Variants in EPHA3 observed in about 807,000 individuals in gnomAD.
EPHA3 encodes ephrin type-A receptor 3.
Under a neutral mutation model 107.1 loss-of-function variants are expected in EPHA3, and 42 were observed. The observed-to-expected ratio is 0.39, with a 90% CI of 0.31 to 0.51. The LOEUF (loss-of-function observed/expected upper bound fraction) is 0.51. Ranked by LOEUF, EPHA3 falls within the 20% of genes least tolerant of loss-of-function variation. The pLI, the probability that EPHA3 is intolerant of heterozygous loss-of-function variation, is 0.78. For synonymous variants in EPHA3, 461 were observed against 424.8 expected (o/e 1.09, Z -1.05); for missense variants, 1,183 against 1,211.2 (o/e 0.98, Z 0.35).
At chr3:89,223,301 G>A (rs1457685218) in intron 3 of EPHA3, among the ~76,000 whole-genome samples, 1 of 152,140 alleles carries the variant, frequency 6.6e-6, no homozygotes, top group Admixed American at 6.6e-5. Flanking sequence ...AGGCTGAAAG[G>A]AAATGCTGAC....
intron 2 of EPHA3, among the ~76,000 whole-genome samples, chr3:89,167,321 A>G (rs1705095560): frequency 6.6e-6 from 1 of 152,158 alleles, no homozygotes; most frequent in Non-Finnish European, 1.5e-5. Context: ...AATTCAAAGG[A>G]CATATAATTT....
chr3:89,401,746 T>C (rs1328770031), intron 7 of EPHA3, among the ~76,000 whole-genome samples: 1 of 152,182 alleles, frequency 6.6e-6, no homozygotes, highest in Non-Finnish European at 1.5e-5. Context: ...TGGCTGGGAC[T>C]ACAGGCTCAT....
At chr3:89,260,888 G>C (rs1309825107) in intron 3 of EPHA3, among the ~76,000 whole-genome samples, 1 of 152,102 alleles carries the variant, frequency 6.6e-6, no homozygotes, top group African/African-American at 2.4e-5. Flanking sequence ...GGACTCTATG[G>C]TCCTCCACAG....
intron 2 of EPHA3, among the ~76,000 whole-genome samples, chr3:89,135,973 G>A (rs1245119403): frequency 1.3e-5 from 2 of 152,090 alleles, no homozygotes; most frequent in Non-Finnish European, 2.9e-5. Context: ...TTATTTGCCT[G>A]TAGTATTAGA....
At chr3:89,193,774 A>T (rs1705774453) in intron 2 of EPHA3, among the ~76,000 whole-genome samples, 1 of 152,038 alleles carries the variant, frequency 6.6e-6, no homozygotes, top group South Asian at 2.1e-4. Flanking sequence ...ATTTAATTAC[A>T]CAAAATGATA....
At chr3:89,398,815 T>C (rs1180237936) in intron 6 of EPHA3, among the ~76,000 whole-genome samples, 1 of 152,184 alleles carries the variant, frequency 6.6e-6, no homozygotes, top group Non-Finnish European at 1.5e-5. Flanking sequence ...GGAAATTCTG[T>C]AAATATTTTT....
At chr3:89,240,094 G>A (rs1704858439) in intron 3 of EPHA3, among the ~76,000 whole-genome samples, 2 of 152,142 alleles carry the variant, frequency 1.3e-5, no homozygotes, top group African/African-American at 2.4e-5. Flanking sequence ...CCAAAGCAGG[G>A]GCTGTTCTTC....
chr3:89,394,176 C>A (rs1246629300), intron 5 of EPHA3, among the ~76,000 whole-genome samples: 1 of 152,082 alleles, frequency 6.6e-6, no homozygotes, highest in Non-Finnish European at 1.5e-5. Context: ...TTTGGGAGGC[C>A]TACCGGGGAG....
chr3:89,390,881 G>A (rs893804501), intron 5 of EPHA3, among the ~76,000 whole-genome samples: 5 of 149,124 alleles, frequency 3.4e-5, no homozygotes, highest in Middle Eastern at 3.2e-3. Flanking sequence ...TCCGCCTCCC[G>A]GGTTCATCTG....
chr3:89,357,466 C>T (rs1363065206), intron 5 of EPHA3, among the ~76,000 whole-genome samples: 1 of 150,948 alleles, frequency 6.6e-6, no homozygotes, highest in Non-Finnish European at 1.5e-5. Context: ...AAAATTTTTG[C>T]ATCTTTACTT....
intron 2 of EPHA3, among the ~76,000 whole-genome samples, chr3:89,202,224 G>A (rs1353018329): frequency 6.6e-6 from 1 of 151,922 alleles, no homozygotes; most frequent in Non-Finnish European, 1.5e-5. Context: ...GCCAAGCGTG[G>A]TGTCTCACGC....
At chr3:89,121,755 CAAA>C (rs11342577) in intron 1 of EPHA3, among the ~76,000 whole-genome samples, 13 of 133,066 alleles carry the variant, frequency 9.8e-5, no homozygotes, top group Non-Finnish European at 9.9e-5. Flanking sequence ...GACCCCGTCT[CAAA>C]AAAAAAAAAA....
chr3:89,455,857 G>A (rs1710087814), intron 15 of EPHA3, among the ~76,000 whole-genome samples: 1 of 152,100 alleles, frequency 6.6e-6, no homozygotes, highest in Admixed American at 6.6e-5. Flanking sequence ...CTTTTACAGA[G>A]CACCATATTC....
chr3:89,466,690 C>G lies in EPHA3; in HGVS notation c.2691-5774C>G, dbSNP rs1340601546. Among the ~76,000 whole-genome samples the G allele has an allele frequency of 5.3e-5, 7 of 132,090 alleles. 1 individual carries two copies. The highest frequency in any genetic ancestry group is 2.2e-4 in the South Asian group (1 of 4,470). 86.7% of individuals were successfully genotyped at this position (132,090 alleles called of 152,430 possible). A position where few individuals can be genotyped will look rare whatever the true frequency, so the allele number is the denominator to read the frequency against. On this transcript the variant is annotated intron_variant, in intron 15 of 16. Transcript: ENST00000336596. ...GGCAATGCCTCGCCCTGCTTCGGCT[C>G]GCGCACGGTGCGCACACACACTGGC...
intron 2 of EPHA3, among the ~76,000 whole-genome samples, chr3:89,197,410 TA>T (rs11317118): frequency 0.91 from 137,106 of 150,708 alleles, 62,586 homozygotes; most frequent in Admixed American, 0.95. Flanking sequence ...AATAAAAACA[TA>T]AAAAAAAACA....
intron 5 of EPHA3, among the ~76,000 whole-genome samples, chr3:89,393,270 G>A (rs1165939554): frequency 6.6e-6 from 1 of 152,136 alleles, no homozygotes; most frequent in Non-Finnish European, 1.5e-5. Flanking sequence ...ATTTATTACA[G>A]TCCAACAGGG....
At position 89,419,361 on chromosome 3, in the gene EPHA3, T is replaced by C; in HGVS notation, c.2045T>C (p.Ile682Thr). The C allele has an allele frequency of 6.2e-7, 1 of 1,601,198 alleles. No homozygotes were observed. The highest frequency in any genetic ancestry group is 1.7e-5 in the Admixed American group (1 of 57,566). Residue 682 changes from isoleucine to threonine, a missense_variant, in exon 11 of 17, where the codon ATC becomes ACC. Physicochemically the swap from Ile to Thr is moderately conservative, Grantham distance 89 (BLOSUM62 -1). Coordinates refer to ENST00000336596, the MANE Select transcript of EPHA3 (RefSeq NM_005233.6). Reference protein sequence around the residue: ...SIMGQFDHPNIIRLEGVVTKS... With the variant: ...SIMGQFDHPNTIRLEGVVTKS... ...ATGGGACAGTTTGACCACCCCAATA[T>C]CATTCGACTGGAAGGAGTTGTTACC...
rs1191363765 is a variant in EPHA3, at chr3:89,107,796, C to T, written c.48C>T (p.Leu16=). ...TCCTCCTTCTCAGCTGCTCTGTTCT[C>T]GACAGCTTCGGGGAACTGATTCCGC... ...SILLLLSCSV[L]DSFGELIPQP... is the part of the protein sequence containing the mutation. Residue 16 remains leucine (L), a synonymous_variant, in exon 1 of 17, where the codon CTC becomes CTT. Transcript: ENST00000336596. The T allele has an allele frequency of 6.2e-7, 1 of 1,614,168 alleles. No homozygotes were observed. The highest frequency in any genetic ancestry group is 8.5e-7 in the Non-Finnish European group (1 of 1,180,032).
intron 2 of EPHA3, among the ~76,000 whole-genome samples, chr3:89,193,935 G>C (rs1705777767): frequency 6.6e-6 from 1 of 151,824 alleles, no homozygotes; most frequent in Admixed American, 6.6e-5. Context: ...GGCTATTTAT[G>C]GTTCTAATGT....
Sources: allele counts gnomAD v4.1 joint callset (sites outside exome capture counted in the v4.1 genomes callset), GRCh38; gene constraint gnomAD v4.1.1; transcripts MANE v1.5; gene names NCBI Gene and HGNC (gene_info 2026-07-23, HGNC 2026-07-21).